TARS1: variants seen among roughly 807,000 people sequenced by gnomAD.
TARS1 encodes threonine--tRNA ligase 1, cytoplasmic.
TARS1 carries 57 observed loss-of-function variants against 97.7 expected under a neutral mutation model. That is an observed-to-expected ratio of 0.58 (90% CI 0.47 to 0.73). The LOEUF is 0.73. Among genes scored for constraint, TARS1 ranks in the 30% least tolerant of loss-of-function variants. The pLI, the probability that TARS1 is intolerant of heterozygous loss-of-function variation, is 0.00. For synonymous variants in TARS1, 312 were observed against 293.7 expected (o/e 1.06, Z -0.64); for missense variants, 806 against 888.3 (o/e 0.91, Z 1.18).
chr5:33,441,018 C>T lies in TARS1; in HGVS notation c.-69C>T. Reference sequence around the variant, plus strand: ...AAGTCCCGGGCGCTAGCCCACCTCCCACCCGCCTCTTGGCTCCTCTCCTCT... The same window carrying T: ...AAGTCCCGGGCGCTAGCCCACCTCCTACCCGCCTCTTGGCTCCTCTCCTCT... On this transcript the variant is annotated 5_prime_UTR_variant, in exon 1 of 19. Transcript: ENST00000265112. The T allele has an allele frequency of 1.2e-6, 2 of 1,603,664 alleles. No homozygotes were observed. Among genetic ancestry groups the T allele is most frequent in the South Asian group, 1.1e-5 (1 of 90,638 alleles).
chr5:33,457,241 T>G lies in TARS1; in HGVS notation c.838-16T>G, dbSNP rs746232855. 7 of 1,610,010 alleles carry G rather than the reference T, an allele frequency of 4.3e-6. No homozygotes were observed. In the East Asian group the frequency reaches 1.3e-4, roughly 31 times the overall value. ...ACAAATTTGAATGTTGTTTCATGGT[T>G]AATCCTTGTTTTCAGAATTCCTCCA... On this transcript the variant is annotated splice_polypyrimidine_tract_variant and intron_variant, in intron 8 of 18. Coordinates refer to ENST00000265112, the MANE Select transcript of TARS1 (RefSeq NM_152295.5).
rs767777683 is a variant in TARS1, at chr5:33,448,533, T to A, written c.139-8T>A. Reference sequence around the variant, plus strand: ...CATTTATTTCCTGATTTGTTTGTTGTCTTGCAGTTGAATCCTTGGCCTGAA... The same window carrying A: ...CATTTATTTCCTGATTTGTTTGTTGACTTGCAGTTGAATCCTTGGCCTGAA... On this transcript the variant is annotated splice_region_variant and splice_polypyrimidine_tract_variant and intron_variant, in intron 2 of 18. Transcript: ENST00000265112. The A allele has an allele frequency of 1.3e-6, 2 of 1,557,136 alleles. No homozygotes were observed. The highest frequency in any genetic ancestry group is 2.4e-5 in the South Asian group (2 of 81,912).
chr5:33,449,320 TATATATACGC>T (rs1176417755), intron 3 of TARS1, among the ~76,000 whole-genome samples: 3 of 140,272 alleles, frequency 2.1e-5, no homozygotes, highest in African/African-American at 8.2e-5. Context: ...TATATGTGTA[TATATATACGC>T]GTATATATAC....
intron 2 of TARS1, 121 bp downstream of exon 2, chr5:33,445,525 G>A: frequency 1.3e-6 from 1 of 741,128 alleles, no homozygotes; most frequent in Non-Finnish European, 2.2e-6. Context: ...AGATGGTACT[G>A]GTTGGAAAAA....
intron 16 of TARS1, 105 bp downstream of exon 16, chr5:33,462,308 C>T (rs1319677240): frequency 1.1e-5 from 12 of 1,059,376 alleles, no homozygotes; most frequent in South Asian, 3.0e-5. Context: ...TGATTCCAAT[C>T]GGTTGCTTCT....
intron 3 of TARS1, among the ~76,000 whole-genome samples, chr5:33,450,660 C>T (rs1741687169): frequency 6.6e-6 from 1 of 152,160 alleles, no homozygotes. Context: ...TAATAGATTC[C>T]TCTGTTGTCA....
chr5:33,442,597 G>A (rs1455502067), intron 1 of TARS1, among the ~76,000 whole-genome samples: 1 of 151,982 alleles, frequency 6.6e-6, no homozygotes, highest in African/African-American at 2.4e-5. Context: ...GTGCCGTGGT[G>A]CGATCTCGGC....
intron 4 of TARS1, among the ~76,000 whole-genome samples, chr5:33,454,061 A>G (rs1325646708): frequency 6.6e-6 from 1 of 152,210 alleles, no homozygotes; most frequent in Non-Finnish European, 1.5e-5. Context: ...ACATTTGACA[A>G]ATAAATTTGA....
At chr5:33,446,850 T>G (rs1266512111) in intron 2 of TARS1, 1 of 798,992 alleles carries the variant, frequency 1.3e-6, no homozygotes, top group East Asian at 6.5e-5. Flanking sequence ...GGTTGTAGAA[T>G]GACAGGCTCT....
Position 33,462,156 on chromosome 5 carries a change from A to G in TARS1, c.1788A>G (p.Ser596=). 3.7e-6 allele frequency: 6 copies of G among 1,613,164 alleles called. No individual in the cohort carries two copies. The highest frequency in any genetic ancestry group is 5.1e-6 in the Non-Finnish European group (6 of 1,179,922). ...PVIVHRAILG[S]VERMIAILTE... ...TTGTTCATCGAGCCATCTTGGGATC[A>G]GTGGAAAGAATGATTGCTATCCTCA... The change falls in exon 16 of 19, where the codon TCA becomes TCG. Residue 596 remains serine, a synonymous_variant. Transcript: ENST00000265112.
At chr5:33,458,943 C>T (rs1030915909) in intron 10 of TARS1, among the ~76,000 whole-genome samples, 4 of 152,094 alleles carry the variant, frequency 2.6e-5, no homozygotes, top group East Asian at 1.9e-4. Context: ...TTTGAAAAAA[C>T]GGTTTTTACA....
intron 17 of TARS1, among the ~76,000 whole-genome samples, chr5:33,465,479 A>G (rs768047969): frequency 4.5e-4 from 69 of 152,370 alleles, no homozygotes; most frequent in Non-Finnish European, 8.7e-4. Flanking sequence ...AGAATTGCCC[A>G]TCTCACGTGC....
Position 33,454,221 on chromosome 5 carries a change from G to C in TARS1, c.454-724G>C, listed in dbSNP as rs142718979. On this transcript the variant is annotated intron_variant, in intron 4 of 18. Transcript: ENST00000265112. ...TTCTCCATGGCTGTGTATCATATAA[G>C]GGGAGACAAAGTATTTTGTTTTAGT... Among the ~76,000 whole-genome samples, 300 of 152,268 alleles carry C rather than the reference G, an allele frequency of 2.0e-3. 2 individuals are homozygous for C. Among genetic ancestry groups the C allele is most frequent in the African/African-American group, 6.9e-3 (287 of 41,540 alleles).
At chr5:33,443,360 T>TCG (rs1358573103) in intron 1 of TARS1, among the ~76,000 whole-genome samples, 1 of 138,180 alleles carries the variant, frequency 7.2e-6, no homozygotes, top group Non-Finnish European at 1.6e-5. Flanking sequence ...TCTCTCTCTC[T>TCG]CACTACCCCT....
chr5:33,448,336 A>G (rs1053122695), intron 2 of TARS1, among the ~76,000 whole-genome samples: 1 of 152,254 alleles, frequency 6.6e-6, no homozygotes, highest in Non-Finnish European at 1.5e-5. Context: ...TCGATTCAGC[A>G]TAAGAATAGG....
intron 18 of TARS1, 23 bp downstream of exon 18, chr5:33,467,008 G>C: frequency 6.7e-7 from 1 of 1,486,862 alleles, no homozygotes; most frequent in South Asian, 1.4e-5. Context: ...ACTTACCAAA[G>C]AAAATTTGCC....
At position 33,455,075 on chromosome 5, in the gene TARS1, T is replaced by C; in HGVS notation, c.575+9T>C. 6.2e-7 allele frequency: 1 copy of C among 1,612,970 alleles called. No homozygotes were observed. Among genetic ancestry groups the C allele is most frequent in the Non-Finnish European group, 8.5e-7 (1 of 1,179,504 alleles). ...ATGTACCTCGAAGAAGGGTAAGCCA[T>C]CAACTAGATAAAGAAAACTGAAGTC... On this transcript the variant is annotated intron_variant, in intron 5 of 18. Transcript: ENST00000265112.
Position 33,461,938 on chromosome 5 carries a change from G to A in TARS1, c.1662G>A (p.Arg554=), listed in dbSNP as rs374298276. 2.0e-5 allele frequency: 32 copies of A among 1,613,912 alleles called. No homozygotes were observed. In the Middle Eastern group the frequency reaches 6.6e-4, roughly 33 times the overall value. Residue 554 remains arginine, a synonymous_variant, in exon 15 of 19, where the codon CGG becomes CGA. Coordinates refer to ENST00000265112, the MANE Select transcript of TARS1 (RefSeq NM_152295.5). ...IDIQIKDAIG[R]YHQCATIQLD... ...TACAGATTAAAGATGCGATTGGGCG[G>A]TACCACCAGTGTGCAACCATCCAGC...
At chr5:33,446,733 A>G (rs1741438313) in intron 2 of TARS1, 1 of 1,289,198 alleles carries the variant, frequency 7.8e-7, no homozygotes, top group Non-Finnish European at 1.0e-6. Context: ...CTATGATGAT[A>G]AACTGCAGTT....
Sources: allele counts gnomAD v4.1 joint callset (sites outside exome capture counted in the v4.1 genomes callset), GRCh38; gene constraint gnomAD v4.1.1; transcripts MANE v1.5; gene names NCBI Gene and HGNC (gene_info 2026-07-23, HGNC 2026-07-21).